TAS2R14: variants seen among roughly 807,000 people sequenced by gnomAD.
The protein encoded by TAS2R14 is taste 2 receptor member 14.
For synonymous variants in TAS2R14, 131 were observed against 131.0 expected (o/e 1.00, Z 0.00); for missense variants, 383 against 372.0 (o/e 1.03, Z -0.24).
exon 1 of TAS2R14, chr12:10,939,175 G>A (rs1460339472): frequency 3.1e-6 from 5 of 1,594,694 alleles, no homozygotes; most frequent in Non-Finnish European, 4.3e-6. Flanking sequence ...CAATTAAAAC[G>A]AATGTAAATA....
exon 1 of TAS2R14, chr12:10,938,820 C>T (rs1012499290): frequency 4.3e-6 from 7 of 1,613,312 alleles, no homozygotes; most frequent in African/African-American, 1.3e-5. Context: ...AGCACCAAAA[C>T]CACCTTTTTA....
chr12:10,939,045 G>A (rs760650571), intron 4 of TAS2R14: 16 of 1,613,900 alleles, frequency 9.9e-6, no homozygotes, highest in South Asian at 7.7e-5. Flanking sequence ...AGGCTAATTC[G>A]AGAGATTGCC....
exon 1 of TAS2R14, chr12:10,938,654 A>G: frequency 3.1e-6 from 5 of 1,614,014 alleles, no homozygotes; most frequent in East Asian, 2.2e-5. Context: ...GAAAATGAAC[A>G]CAGTGCTGGT....
At chr12:10,938,456 A>G (rs1950328459) in exon 1 of TAS2R14, 4 of 1,614,042 alleles carry the variant, frequency 2.5e-6, no homozygotes, top group Admixed American at 1.7e-5. Flanking sequence ...AGAGGTCCAA[A>G]CTGATATGAA....
At chr12:10,938,435 T>G (rs1383420541) in exon 1 of TAS2R14, 1 of 1,613,884 alleles carries the variant, frequency 6.2e-7, no homozygotes, top group African/African-American at 1.3e-5. Flanking sequence ...TAGATTTTCC[T>G]CCAACCTTTC....
At chr12:10,937,885 A>T (rs1018462933) in exon 1 of TAS2R14, 2 of 165,120 alleles carry the variant, frequency 1.2e-5, no homozygotes, top group African/African-American at 4.8e-5. Flanking sequence ...TCTTTTATGT[A>T]CTTTATCTAC....
exon 1 of TAS2R14, chr12:10,938,034 T>A (rs1244925826): frequency 2.4e-6 from 1 of 415,030 alleles, no homozygotes. Flanking sequence ...AAATCTATAT[T>A]ATCTGTTTGT....
chr12:10,939,206 A>G, exon 1 of TAS2R14: 1 of 1,539,738 alleles, frequency 6.5e-7, no homozygotes, highest in Non-Finnish European at 8.8e-7. Context: ...GACACCACCC[A>G]TTGCCTGTAA....
exon 1 of TAS2R14, chr12:10,938,662 G>A: frequency 2.5e-6 from 4 of 1,613,906 alleles, no homozygotes; most frequent in Non-Finnish European, 3.4e-6. Flanking sequence ...ACACAGTGCT[G>A]GTTAATACAA....
chr12:10,938,591 C>T (rs1950332659), intron 4 of TAS2R14: 2 of 1,613,708 alleles, frequency 1.2e-6, no homozygotes, highest in South Asian at 2.2e-5. Context: ...GCGATGTTTC[C>T]ACATGGAGAA....
At chr12:10,938,989 T>G (rs1359048629) in exon 1 of TAS2R14, 2 of 1,613,284 alleles carry the variant, frequency 1.2e-6, no homozygotes, top group Non-Finnish European at 1.7e-6. Flanking sequence ...CAAATAAAGC[T>G]GGGAAAAACA....
chr12:10,938,948 T>C lies in TAS2R14; in HGVS notation c.260A>G (p.Asn87Ser), dbSNP rs760081636. The C allele has an allele frequency of 1.2e-5, 20 of 1,613,582 alleles. No individual in the cohort carries two copies. The highest frequency in any genetic ancestry group is 3.3e-5 in the Admixed American group (2 of 59,884). ...AAAATGATTGATCACTGTCCAGATA[T>C]TAGTAAGCATTCTGAACATTTTTTC... Residue 87 changes from asparagine (N) to serine (S), a missense_variant, in exon 1 of 1, where the codon AAT (asparagine) becomes AGT (serine). By Grantham distance (46) the Asn-to-Ser change is conservative (BLOSUM62 1). Transcript: ENST00000537503.
exon 1 of TAS2R14, chr12:10,939,244 G>A: frequency 8.1e-7 from 1 of 1,228,940 alleles, no homozygotes; most frequent in Non-Finnish European, 1.1e-6. Flanking sequence ...TAATATCACT[G>A]CTGAAGACTT....
chr12:10,938,531 G>C lies in TAS2R14; in HGVS notation c.677C>G (p.Ala226Gly), dbSNP rs1950330728. ...GATCACACTTTTAACTCCTCTGTGG[G>C]CTTTGGTGCTGGCGTCTCCGGATAT... The change falls in exon 1 of 1, where the codon GCC becomes GGC. Residue 226 changes from alanine to glycine, a missense_variant. Transcript: ENST00000537503. 1.9e-6 allele frequency: 3 copies of C among 1,614,026 alleles called. No homozygotes were observed. The African/African-American group carries it at 4.0e-5, about 22-fold the overall frequency.
At chr12:10,939,190 C>G (rs752990727) in exon 1 of TAS2R14, 6 of 1,575,004 alleles carry the variant, frequency 3.8e-6, no homozygotes, top group Non-Finnish European at 5.2e-6. Context: ...TAAATATGCT[C>G]TTTATGACAC....
At chr12:10,939,000 C>T (rs755204232) in exon 1 of TAS2R14, 5 of 1,613,550 alleles carry the variant, frequency 3.1e-6, no homozygotes, top group Non-Finnish European at 4.2e-6. Flanking sequence ...GGGAAAAACA[C>T]AGACACACAC....
exon 1 of TAS2R14, chr12:10,938,788 G>A (rs1295619821): frequency 6.2e-7 from 1 of 1,613,328 alleles, no homozygotes; most frequent in Non-Finnish European, 8.5e-7. Flanking sequence ...TTAAAAACAA[G>A]AAGACCGAAG....
exon 1 of TAS2R14, chr12:10,938,809 C>G (rs781289291): frequency 6.2e-7 from 1 of 1,613,324 alleles, no homozygotes; most frequent in African/African-American, 1.3e-5. Context: ...TCACAAGAAG[C>G]AGCACCAAAA....
exon 1 of TAS2R14, chr12:10,938,396 G>A (rs1381973005): frequency 1.2e-6 from 2 of 1,613,942 alleles, no homozygotes; most frequent in Non-Finnish European, 1.7e-6. Context: ...TGAAGGATAA[G>A]CCATTCCCAT....
Sources: gnomAD v4.1 joint callset for allele counts on GRCh38, gnomAD v4.1.1 for gene constraint, MANE v1.5 for transcripts, NCBI Gene and HGNC (gene_info 2026-07-23, HGNC 2026-07-21) for gene names.